Variants in CC2D2A observed in about 807,000 individuals in gnomAD.
The protein encoded by CC2D2A is coiled-coil and C2 domain-containing protein 2A.
Under a neutral mutation model 212.9 loss-of-function variants are expected in CC2D2A, and 155 were observed. The ratio of observed to expected loss-of-function variants is 0.73; its 90% CI spans 0.64 to 0.83. The LOEUF is 0.83. CC2D2A is among the 40% of genes least tolerant of loss of function. The pLI, the probability that CC2D2A is intolerant of heterozygous loss-of-function variation, is 0.00. For missense variants in CC2D2A, 1,856 were observed against 1,956.2 expected (o/e 0.95, Z 0.97); for synonymous variants, 667 against 686.5 (o/e 0.97, Z 0.44).
intron 4 of CC2D2A, among the ~76,000 whole-genome samples, chr4:15,496,653 G>C (rs565362461): frequency 4.1e-4 from 62 of 152,116 alleles, no homozygotes; most frequent in Non-Finnish European, 7.2e-4. Flanking sequence ...ACACACAAAG[G>C]AATATAATTT....
At chr4:15,524,712 A>G (rs1035195321) in intron 11 of CC2D2A, among the ~76,000 whole-genome samples, 1 of 152,018 alleles carries the variant, frequency 6.6e-6, no homozygotes, top group Non-Finnish European at 1.5e-5. Context: ...TGGCCTCCCA[A>G]AGTGCTGGGA....
chr4:15,524,202 C>G (rs879648857), intron 11 of CC2D2A, among the ~76,000 whole-genome samples: 1 of 149,234 alleles, frequency 6.7e-6, no homozygotes, highest in Non-Finnish European at 1.5e-5. Flanking sequence ...GGTGTAATCT[C>G]GGCTCACTGC....
At chr4:15,489,538 G>T (rs920543819) in intron 4 of CC2D2A, among the ~76,000 whole-genome samples, 1 of 152,084 alleles carries the variant, frequency 6.6e-6, no homozygotes, top group African/African-American at 2.4e-5. Flanking sequence ...AGCCAAGGCC[G>T]CAATTAATCT....
intron 16 of CC2D2A, among the ~76,000 whole-genome samples, chr4:15,539,638 C>T (rs143879371): frequency 6.6e-6 from 1 of 152,256 alleles, no homozygotes; most frequent in Non-Finnish European, 1.5e-5. Context: ...AGATATTATA[C>T]ATAAACTATT....
intron 4 of CC2D2A, among the ~76,000 whole-genome samples, chr4:15,495,252 G>A (rs1485424090): frequency 6.6e-6 from 1 of 152,116 alleles, no homozygotes; most frequent in Non-Finnish European, 1.5e-5. Flanking sequence ...GGGATTACTG[G>A]CACATGCCAC....
chr4:15,601,026 A>G (rs1453016993), intron 36 of CC2D2A, among the ~76,000 whole-genome samples: 1 of 152,250 alleles, frequency 6.6e-6, no homozygotes, highest in Non-Finnish European at 1.5e-5. Flanking sequence ...TGGAGTGACT[A>G]ACAGGTGGCT....
chr4:15,530,054 C>T (rs967614225), intron 13 of CC2D2A, among the ~76,000 whole-genome samples: 1 of 151,814 alleles, frequency 6.6e-6, no homozygotes, highest in African/African-American at 2.4e-5. Flanking sequence ...TCACTGCAAG[C>T]TCCGCCTCCC....
intron 26 of CC2D2A, among the ~76,000 whole-genome samples, 195 bp downstream of exon 26, chr4:15,567,981 A>G (rs1390253587): frequency 6.6e-6 from 1 of 152,154 alleles, no homozygotes; most frequent in Non-Finnish European, 1.5e-5. Context: ...AAATGGAAAA[A>G]TGTCCAACTT....
At chr4:15,574,405 C>T (rs1167674398) in intron 29 of CC2D2A, 79 bp downstream of exon 29, 25 of 1,095,238 alleles carry the variant, frequency 2.3e-5, no homozygotes, top group South Asian at 3.9e-5. Flanking sequence ...CTTTTATGAA[C>T]TTTTTCCTAC....
chr4:15,572,035 T>C (rs1577386675), intron 28 of CC2D2A, among the ~76,000 whole-genome samples: 1 of 152,188 alleles, frequency 6.6e-6, no homozygotes, highest in African/African-American at 2.4e-5. Context: ...CCATAATCTA[T>C]ATACTTCCCT....
At chr4:15,522,436 T>C (rs979118365) in intron 11 of CC2D2A, among the ~76,000 whole-genome samples, 4 of 152,074 alleles carry the variant, frequency 2.6e-5, no homozygotes, top group African/African-American at 9.7e-5. Context: ...TGATGGATCA[T>C]GCGCCCTCCT....
chr4:15,561,415 G>A (rs1719592409), intron 23 of CC2D2A, among the ~76,000 whole-genome samples: 1 of 152,116 alleles, frequency 6.6e-6, no homozygotes. Flanking sequence ...ATATAGAAAG[G>A]AGGCTACACC....
chr4:15,536,853 T>A, intron 14 of CC2D2A, 67 bp from the exon 15 acceptor site: 1 of 1,466,514 alleles, frequency 6.8e-7, no homozygotes, highest in East Asian at 2.3e-5. Context: ...ATATAAGTAT[T>A]TGCTGTTATT....
At chr4:15,510,113 T>C in intron 6 of CC2D2A, 26 bp from the exon 7 acceptor site, 1 of 1,550,314 alleles carries the variant, frequency 6.5e-7, no homozygotes, top group South Asian at 1.1e-5. Flanking sequence ...AAATGGTTTA[T>C]CTATCATTTT....
At chr4:15,581,132 A>T (rs1720643618) in intron 30 of CC2D2A, among the ~76,000 whole-genome samples, 1 of 152,224 alleles carries the variant, frequency 6.6e-6, no homozygotes, top group Non-Finnish European at 1.5e-5. Context: ...ATAGTCACTA[A>T]TATACTAATT....
intron 4 of CC2D2A, among the ~76,000 whole-genome samples, chr4:15,490,697 T>C: frequency 6.6e-6 from 1 of 152,154 alleles, no homozygotes; most frequent in Admixed American, 6.5e-5. Flanking sequence ...ACCCCTCATA[T>C]TGTCTTATGC....
intron 11 of CC2D2A, chr4:15,519,564 G>C (rs759808135): frequency 9.0e-6 from 4 of 444,362 alleles, no homozygotes; most frequent in South Asian, 6.5e-5. Flanking sequence ...TGCTGATAAA[G>C]ACATACCCAA....
intron 30 of CC2D2A, among the ~76,000 whole-genome samples, chr4:15,581,254 CAAT>C (rs1720652986): frequency 1.3e-5 from 2 of 152,030 alleles, no homozygotes; most frequent in South Asian, 4.1e-4. Flanking sequence ...TTATAGAAAA[CAAT>C]AATAGGGACT....
At chr4:15,570,243 C>A (rs1720094631) in intron 27 of CC2D2A, among the ~76,000 whole-genome samples, 155 bp from the exon 28 acceptor site, 1 of 152,196 alleles carries the variant, frequency 6.6e-6, no homozygotes, top group Non-Finnish European at 1.5e-5. Context: ...CCTAGGGCCA[C>A]AAAGCCATTA....
Sources: allele counts gnomAD v4.1 joint callset (sites outside exome capture counted in the v4.1 genomes callset), GRCh38; gene constraint gnomAD v4.1.1; transcripts MANE v1.5; gene names NCBI Gene and HGNC (gene_info 2026-07-23, HGNC 2026-07-21).